ATP13A5: variants seen among roughly 807,000 people sequenced by gnomAD.
ATP13A5 encodes probable cation-transporting ATPase 13A5.
ATP13A5 carries 149 observed loss-of-function variants against 150.2 expected under a neutral mutation model. The observed-to-expected ratio is 0.99, with a 90% CI of 0.87 to 1.14. The LOEUF is 1.14. ATP13A5 is among the 50% of genes most tolerant of loss of function. ATP13A5 has a pLI of 0.00. For missense variants in ATP13A5, 1,383 were observed against 1,449.3 expected (o/e 0.95, Z 0.74); for synonymous variants, 497 against 522.2 (o/e 0.95, Z 0.66).
chr3:193,337,429 G>C (rs1310595985), intron 9 of ATP13A5, among the ~76,000 whole-genome samples: 2 of 152,152 alleles, frequency 1.3e-5, no homozygotes, highest in African/African-American at 4.8e-5. Flanking sequence ...GTGTAAGGAA[G>C]GGATCCAATT....
rs770956404 is a variant in ATP13A5 at position 193,351,107 on chromosome 3, G to C, written c.701C>G (p.Thr234Ser). ...CACACTTAAGACAATGGAGATAACA[G>C]TCAAAATGATGATGGCCACAGAGTA... is the stretch of plus-strand genomic sequence containing the variant. ...IEYSVAIIIL[T>S]VISIVLSVYD... is the part of the protein sequence containing the mutation. The change falls in exon 7 of 30, where the codon ACT (threonine) becomes AGT (serine). Residue 234 changes from threonine to serine, a missense_variant. Around this residue, in one of 3 missense-constraint regions of ATP13A5, gnomAD observed 787 missense variants for 771.9 expected, o/e 1.02. Coordinates refer to ENST00000342358, the MANE Select transcript of ATP13A5 (RefSeq NM_198505.4). 15 of 1,613,610 alleles carry C rather than the reference G, an allele frequency of 9.3e-6. No individual in the cohort carries two copies. The African/African-American group carries it at 2.0e-4, about 22-fold the overall frequency.
rs767945519 is a variant in ATP13A5, at chr3:193,344,998, C to A, written c.814+5G>T. The A allele has an allele frequency of 6.2e-7, 1 of 1,612,542 alleles. No individual in the cohort carries two copies. Among genetic ancestry groups the A allele is most frequent in the South Asian group, 1.1e-5 (1 of 91,052 alleles). Reference sequence around the variant, plus strand: ...ATGCTGAAGATGGCCTAACACATCACTTACCTTTGTCTTTTACAATGATTG... The same window carrying A: ...ATGCTGAAGATGGCCTAACACATCAATTACCTTTGTCTTTTACAATGATTG... On this transcript the variant is annotated splice_donor_5th_base_variant and intron_variant, in intron 8 of 29. Coordinates refer to ENST00000342358, the MANE Select transcript of ATP13A5 (RefSeq NM_198505.4).
chr3:193,341,501 C>T (rs754977812), intron 9 of ATP13A5, among the ~76,000 whole-genome samples: 22 of 152,234 alleles, frequency 1.4e-4, no homozygotes, highest in East Asian at 3.9e-4. Context: ...CAGTAGAACA[C>T]GGGAACATGC....
chr3:193,349,278 C>A (rs1194303574), intron 7 of ATP13A5, among the ~76,000 whole-genome samples: 1 of 152,092 alleles, frequency 6.6e-6, no homozygotes, highest in African/African-American at 2.4e-5. Flanking sequence ...TTAAAGAAAT[C>A]TTTTGCAATA....
Position 193,317,899 on chromosome 3 carries a change from T to TA in ATP13A5, c.2033+1091dup, listed in dbSNP as rs201560127. On this transcript the variant is annotated intron_variant, in intron 17 of 29. Transcript: ENST00000342358. Reference sequence around the variant, plus strand: ...TGGCTACACTCCATCACTAGCTACATAGATCTTTTCTTCACACATGTCCTT... The same window carrying TA: ...TGGCTACACTCCATCACTAGCTACATAAGATCTTTTCTTCACACATGTCCTT... Among the ~76,000 whole-genome samples the TA allele has an allele frequency of 1.1e-3, 161 of 152,352 alleles. 1 individual carries two copies. The East Asian group carries it at 0.018, about 17-fold the overall frequency.
chr3:193,283,143 T>C (rs1717572709), intron 27 of ATP13A5, among the ~76,000 whole-genome samples: 1 of 152,018 alleles, frequency 6.6e-6, no homozygotes, highest in African/African-American at 2.4e-5. Context: ...AGGATGAAGG[T>C]GGTATATTCA....
chr3:193,342,093 C>A (rs1712151610), intron 9 of ATP13A5, among the ~76,000 whole-genome samples: 1 of 152,160 alleles, frequency 6.6e-6, no homozygotes, highest in Non-Finnish European at 1.5e-5. Context: ...AATCGGTATT[C>A]TAACAGCTCC....
rs1239150459 is a variant in ATP13A5 at position 193,331,356 on chromosome 3, A to C, written c.1273-45T>G. ...TTCATACAGGATAGCCCAGCACAGC[A>C]GACTGCCACCCTTCCTAGTGCCAAA... On this transcript the variant is annotated intron_variant, in intron 11 of 29. Coordinates refer to ENST00000342358, the MANE Select transcript of ATP13A5 (RefSeq NM_198505.4). 11 of 1,553,924 alleles carry C rather than the reference A, an allele frequency of 7.1e-6. No homozygotes were observed. The Admixed American group carries it at 2.0e-4, about 28-fold the overall frequency.
intron 11 of ATP13A5, among the ~76,000 whole-genome samples, chr3:193,331,826 C>A (rs1282458731): frequency 2.0e-5 from 3 of 152,146 alleles, no homozygotes; most frequent in South Asian, 2.1e-4. Flanking sequence ...TCTATAACAA[C>A]CTTATGACGT....
intron 18 of ATP13A5, among the ~76,000 whole-genome samples, chr3:193,314,539 T>C (rs1718974312): frequency 6.6e-6 from 1 of 152,190 alleles, no homozygotes; most frequent in South Asian, 2.1e-4. Flanking sequence ...CCACGGGATC[T>C]GGAAACTAAC....
intron 1 of ATP13A5, among the ~76,000 whole-genome samples, chr3:193,376,957 G>A (rs1713667198): frequency 6.6e-6 from 1 of 152,136 alleles, no homozygotes; most frequent in African/African-American, 2.4e-5. Flanking sequence ...AATGAGTTAA[G>A]CTTACTTGGA....
In ATP13A5 at chr3:193,307,269, G is replaced by A. The variant is rs190608939; in HGVS notation, c.2568+58C>T. 92 of 1,612,390 alleles carry A rather than the reference G, an allele frequency of 5.7e-5. 1 individual carries two copies. In the African/African-American group the frequency reaches 9.1e-4, roughly 16 times the overall value. On this transcript the variant is annotated intron_variant, in intron 22 of 29. Transcript: ENST00000342358. ...AGAGACAAACCCCAGGAGAGCCTGA[G>A]GTCCTCCAGAGGGATATTAGTGAGT...
intron 21 of ATP13A5, 45 bp from the exon 22 acceptor site, chr3:193,307,414 A>G (rs1402433969): frequency 1.2e-6 from 2 of 1,604,604 alleles, no homozygotes; most frequent in Non-Finnish European, 1.7e-6. Flanking sequence ...AGAAAAATGA[A>G]CAGCTCACTT....
At position 193,348,351 on chromosome 3, in the gene ATP13A5, G is replaced by A. The variant is rs28615712; in HGVS notation, c.741+2716C>T. The stretch of plus-strand genomic sequence containing the variant: ...GTGGCTGGATTTCCTCTAGAGATGA[G>A]TAATGAGGGTATTAACTCAGGTGCC... On this transcript the variant is annotated intron_variant, in intron 7 of 29. Coordinates refer to ENST00000342358, the MANE Select transcript of ATP13A5 (RefSeq NM_198505.4). Among the ~76,000 whole-genome samples the A allele has an allele frequency of 7.8e-3, 1,194 of 152,266 alleles. 16 individuals carry two copies. The highest frequency in any genetic ancestry group is 0.027 in the African/African-American group (1,130 of 41,548).
intron 6 of ATP13A5, 146 bp from the exon 7 acceptor site, chr3:193,351,347 A>T (rs986391173): frequency 9.8e-7 from 1 of 1,024,936 alleles, no homozygotes; most frequent in African/African-American, 1.6e-5. Flanking sequence ...ATCTCTATTG[A>T]TTTGGGTTGA....
In ATP13A5 at chr3:193,306,543, T is replaced by G. The variant is rs1718626934; in HGVS notation, c.2568+784A>C. On this transcript the variant is annotated intron_variant, in intron 22 of 29. Coordinates refer to ENST00000342358, the MANE Select transcript of ATP13A5 (RefSeq NM_198505.4). The stretch of plus-strand genomic sequence containing the variant: ...TTTTCACAGAAATTTGGAAATAATA[T>G]TTAAGAGAGAAATAAAACAAATACC... Among the ~76,000 whole-genome samples the G allele has an allele frequency of 1.3e-5, 2 of 152,022 alleles. 1 individual carries two copies. The highest frequency in any genetic ancestry group is 4.1e-4 in the South Asian group (2 of 4,820).
At chr3:193,374,101 C>T in intron 1 of ATP13A5, among the ~76,000 whole-genome samples, 1 of 152,132 alleles carries the variant, frequency 6.6e-6, no homozygotes. Context: ...GCTGCTGAAA[C>T]AGAGGCTGAT....
chr3:193,329,718 T>C (rs1426642368), intron 12 of ATP13A5, among the ~76,000 whole-genome samples: 3 of 152,158 alleles, frequency 2.0e-5, no homozygotes, highest in Non-Finnish European at 2.9e-5. Flanking sequence ...CTAAGAGATA[T>C]ACCCCTTTCA....
At chr3:193,276,701 G>A in intron 29 of ATP13A5, 49 bp downstream of exon 29, 1 of 1,340,856 alleles carries the variant, frequency 7.5e-7, no homozygotes, top group Non-Finnish European at 1.1e-6. Context: ...CTGAAAATGA[G>A]ATCCTTAATT....
Sources: allele counts gnomAD v4.1 joint callset (sites outside exome capture counted in the v4.1 genomes callset), GRCh38; gene constraint gnomAD v4.1.1; regional missense constraint gnomAD v4.1.1; transcripts MANE v1.5; gene names NCBI Gene and HGNC (gene_info 2026-07-23, HGNC 2026-07-21).